PRDM5: variants seen among roughly 807,000 people sequenced by gnomAD.
PRDM5 encodes PR/SET domain 5.
A neutral mutation model predicts 81.2 loss-of-function variants in PRDM5; 56 were observed. That is an observed-to-expected ratio of 0.69 (90% CI 0.56 to 0.86). The LOEUF (loss-of-function observed/expected upper bound fraction) is 0.86, where lower values mean the gene tolerates loss of function less well. Ranked by LOEUF, PRDM5 falls within the 40% of genes least tolerant of loss-of-function variation. PRDM5 has a pLI of 0.00. For synonymous variants in PRDM5, 267 were observed against 256.4 expected (o/e 1.04, Z -0.39); for missense variants, 697 against 770.1 (o/e 0.91, Z 1.12).
chr4:120,710,553 C>A, intron 14 of PRDM5, 140 bp from the exon 15 acceptor site: 1 of 736,006 alleles, frequency 1.4e-6, no homozygotes, highest in Non-Finnish European at 2.4e-6. Context: ...GGCTGTGCCC[C>A]ACCCAAATTT....
At chr4:120,813,017 C>A in intron 7 of PRDM5, 1 of 159,908 alleles carries the variant, frequency 6.3e-6, no homozygotes, top group Non-Finnish European at 1.4e-5. Context: ...CTTTCCAGCA[C>A]TAGAGTTTTA....
chr4:120,797,795 G>A (rs978319576), intron 10 of PRDM5, among the ~76,000 whole-genome samples: 6 of 152,112 alleles, frequency 3.9e-5, no homozygotes, highest in African/African-American at 1.4e-4. Context: ...GGATGTAGTT[G>A]ACATTTCTTA....
chr4:120,744,305 C>A (rs1303212477), intron 14 of PRDM5, among the ~76,000 whole-genome samples: 1 of 152,142 alleles, frequency 6.6e-6, no homozygotes, highest in Non-Finnish European at 1.5e-5. Flanking sequence ...ATTTATAGCA[C>A]TAAATGCCCA....
chr4:120,708,459 C>T (rs1377861573), intron 15 of PRDM5, among the ~76,000 whole-genome samples: 1 of 151,886 alleles, frequency 6.6e-6, no homozygotes, highest in Non-Finnish European at 1.5e-5. Context: ...GAAGTGAAAG[C>T]AGATTGGTAG....
chr4:120,760,008 C>T (rs1745363542), intron 13 of PRDM5, among the ~76,000 whole-genome samples: 1 of 152,144 alleles, frequency 6.6e-6, no homozygotes, highest in Non-Finnish European at 1.5e-5. Context: ...GTATTCATAT[C>T]CCTAGTTTAC....
intron 2 of PRDM5, among the ~76,000 whole-genome samples, chr4:120,859,382 G>A (rs1760300749): frequency 6.8e-6 from 1 of 147,934 alleles, no homozygotes; most frequent in South Asian, 2.1e-4. Context: ...ACCTTGCCCG[G>A]CTAATAATTT....
In PRDM5 at chr4:120,781,616, T is replaced by A. The variant is rs181936618; in HGVS notation, c.1283-313A>T. ...CTACAGCGGGGGCTGGGATTTGAGG[T>A]AAATAGACTCCAGTGACACAAGACC... On this transcript the variant is annotated intron_variant, in intron 11 of 15. Transcript: ENST00000264808. Among the ~76,000 whole-genome samples the A allele has an allele frequency of 1.1e-4, 17 of 152,284 alleles. No individual in the cohort carries two copies. In the East Asian group the frequency reaches 2.5e-3, roughly 22 times the overall value.
At chr4:120,721,643 C>A (rs1459943853) in intron 14 of PRDM5, among the ~76,000 whole-genome samples, 2 of 152,190 alleles carry the variant, frequency 1.3e-5, no homozygotes, top group Non-Finnish European at 2.9e-5. Context: ...AGTTGTTAAG[C>A]AATGCTGCAA....
intron 4 of PRDM5, among the ~76,000 whole-genome samples, chr4:120,820,318 T>C (rs1471770445): frequency 6.6e-6 from 1 of 152,208 alleles, no homozygotes; most frequent in South Asian, 2.1e-4. Flanking sequence ...TGCTGGCACC[T>C]TGATAGACTT....
At chr4:120,890,731 A>G (rs1312550073) in intron 2 of PRDM5, among the ~76,000 whole-genome samples, 2 of 152,218 alleles carry the variant, frequency 1.3e-5, no homozygotes, top group Non-Finnish European at 2.9e-5. Context: ...AGTGATGTTG[A>G]GCATTTTTTC....
intron 1 of PRDM5, among the ~76,000 whole-genome samples, chr4:120,685,648 G>A (rs181445999): frequency 1.3e-5 from 2 of 151,940 alleles, no homozygotes; most frequent in South Asian, 4.1e-4. Flanking sequence ...CTCGAACTGT[G>A]TCAGGCATCC....
At chr4:120,853,611 G>A in intron 2 of PRDM5, 71 bp from the exon 3 acceptor site, 6 of 1,596,912 alleles carry the variant, frequency 3.8e-6, no homozygotes, top group South Asian at 3.3e-5. Context: ...TCAAGGTTAG[G>A]ACATGACGTT....
intron 2 of PRDM5, among the ~76,000 whole-genome samples, chr4:120,892,193 G>GTT (rs200020290): frequency 6.6e-6 from 1 of 150,960 alleles, no homozygotes; most frequent in African/African-American, 2.4e-5. Context: ...TGATTTTAGG[G>GTT]TTTTTTTTTC....
At chr4:120,829,237 A>G (rs963545316) in intron 3 of PRDM5, among the ~76,000 whole-genome samples, 3 of 152,102 alleles carry the variant, frequency 2.0e-5, no homozygotes, top group African/African-American at 7.2e-5. Flanking sequence ...CAATGTGACT[A>G]CTTCTGTACT....
chr4:120,737,149 G>T (rs979429884), intron 14 of PRDM5, among the ~76,000 whole-genome samples: 8 of 152,174 alleles, frequency 5.3e-5, no homozygotes, highest in African/African-American at 1.9e-4. Context: ...GAGGATCACA[G>T]ATCTCTGGCT....
At chr4:120,786,523 G>A (rs141406989) in intron 10 of PRDM5, among the ~76,000 whole-genome samples, 22 of 152,200 alleles carry the variant, frequency 1.4e-4, no homozygotes, top group African/African-American at 5.1e-4. Context: ...TGAGGCAAAC[G>A]TCCAGATATT....
At chr4:120,780,843 A>G (rs1344737260) in intron 12 of PRDM5, among the ~76,000 whole-genome samples, 1 of 152,150 alleles carries the variant, frequency 6.6e-6, no homozygotes, top group East Asian at 1.9e-4. Context: ...TAATTCAAAA[A>G]TATATAAAAA....
intron 15 of PRDM5, among the ~76,000 whole-genome samples, chr4:120,702,457 C>A (rs183611641): frequency 2.0e-5 from 3 of 152,250 alleles, no homozygotes; most frequent in East Asian, 1.9e-4. Context: ...GCTCTCATAG[C>A]GGCCTTTACT....
chr4:120,824,775 C>T (rs1755743273), intron 3 of PRDM5, among the ~76,000 whole-genome samples: 1 of 152,002 alleles, frequency 6.6e-6, no homozygotes, highest in African/African-American at 2.4e-5. Context: ...AAATCTCTAA[C>T]AATTGGTTTT....
Sources: gnomAD v4.1 joint callset for allele counts (sites outside exome capture counted in the v4.1 genomes callset) on GRCh38, gnomAD v4.1.1 for gene constraint, MANE v1.5 for transcripts, NCBI Gene and HGNC (gene_info 2026-07-23, HGNC 2026-07-21) for gene names.